The following UTRN variants were observed in gnomAD, a reference collection of about 807,000 sequenced individuals.
The protein encoded by UTRN is utrophin, also known as dystrophin-related protein 1.
Under a neutral mutation model 463.9 loss-of-function variants are expected in UTRN, and 283 were observed. The ratio of observed to expected loss-of-function variants is 0.61; its 90% CI spans 0.55 to 0.67. The LOEUF (loss-of-function observed/expected upper bound fraction) is 0.67, where lower values mean the gene tolerates loss of function less well. Ranked by LOEUF, UTRN falls within the 30% of genes least tolerant of loss-of-function variation. The pLI, the probability that UTRN is intolerant of heterozygous loss-of-function variation, is 0.00. For synonymous variants in UTRN, 1,442 were observed against 1,431.5 expected (o/e 1.01, Z -0.17); for missense variants, 3,922 against 4,084.3 (o/e 0.96, Z 1.08).
At chr6:144,417,100 C>T (rs190986680) in intron 3 of UTRN, among the ~76,000 whole-genome samples, 20 of 152,172 alleles carry the variant, frequency 1.3e-4, no homozygotes, top group Admixed American at 9.2e-4. Flanking sequence ...GCACCAGACA[C>T]GCTTTAAAGT....
chr6:144,531,326 T>A, intron 42 of UTRN, 124 bp downstream of exon 42: 1 of 1,042,286 alleles, frequency 9.6e-7, no homozygotes, highest in Non-Finnish European at 1.3e-6. Context: ...ATTTGTAATT[T>A]TTGTTCCAAT....
intron 58 of UTRN, among the ~76,000 whole-genome samples, chr6:144,763,026 A>C (rs763759449): frequency 6.6e-6 from 1 of 152,190 alleles, no homozygotes; most frequent in Non-Finnish European, 1.5e-5. Flanking sequence ...TAACAATTCT[A>C]TAGCTCAGTT....
intron 23 of UTRN, among the ~76,000 whole-genome samples, chr6:144,468,853 G>A (rs1790211715): frequency 1.3e-5 from 2 of 152,192 alleles, no homozygotes; most frequent in African/African-American, 4.8e-5. Context: ...CAGGTTGATT[G>A]TGACAATATT....
chr6:144,511,823 G>C (rs776389316), intron 35 of UTRN, among the ~76,000 whole-genome samples: 2 of 152,064 alleles, frequency 1.3e-5, no homozygotes, highest in Non-Finnish European at 2.9e-5. Context: ...ATGTTCCTAT[G>C]ATACTAATTG....
At chr6:144,722,247 C>T (rs562082467) in intron 53 of UTRN, among the ~76,000 whole-genome samples, 1 of 152,180 alleles carries the variant, frequency 6.6e-6, no homozygotes, top group Non-Finnish European at 1.5e-5. Context: ...AGAGCCTTTG[C>T]ACTTTCCATT....
chr6:144,758,021 C>A, intron 58 of UTRN, 32 bp downstream of exon 58: 1 of 1,560,072 alleles, frequency 6.4e-7, no homozygotes, highest in Non-Finnish European at 8.8e-7. Context: ...TTTATGATAC[C>A]AAGAAAATCA....
chr6:144,839,774 G>C (rs1430558516), intron 72 of UTRN, among the ~76,000 whole-genome samples: 1 of 152,178 alleles, frequency 6.6e-6, no homozygotes, highest in South Asian at 2.1e-4. Context: ...CCTGTCCTTG[G>C]TCACAATGGG....
At chr6:144,333,858 C>T (rs536738701) in intron 2 of UTRN, among the ~76,000 whole-genome samples, 1 of 152,220 alleles carries the variant, frequency 6.6e-6, no homozygotes, top group Admixed American at 6.5e-5. Flanking sequence ...TTTTTGTTTA[C>T]CTCTCATTTT....
chr6:144,640,282 T>C (rs534695717), intron 51 of UTRN, among the ~76,000 whole-genome samples: 12 of 152,116 alleles, frequency 7.9e-5, no homozygotes, highest in African/African-American at 2.9e-4. Flanking sequence ...CAAAGAGAAA[T>C]TGGAATATAC....
At chr6:144,376,325 T>C (rs986486861) in intron 2 of UTRN, among the ~76,000 whole-genome samples, 1 of 151,858 alleles carries the variant, frequency 6.6e-6, no homozygotes, top group African/African-American at 2.4e-5. Context: ...TGTGGTGGCG[T>C]GTGCCTGTAA....
At chr6:144,444,463 C>T in intron 14 of UTRN, 81 bp downstream of exon 14, 1 of 1,042,994 alleles carries the variant, frequency 9.6e-7, no homozygotes, top group Non-Finnish European at 1.3e-6. Flanking sequence ...AATAAAGTTG[C>T]CTTGTTTACT....
At chr6:144,596,235 A>G (rs1181578658) in intron 51 of UTRN, among the ~76,000 whole-genome samples, 1 of 152,160 alleles carries the variant, frequency 6.6e-6, no homozygotes, top group African/African-American at 2.4e-5. Flanking sequence ...ATTTCTAGAA[A>G]TGTGTCCACA....
chr6:144,410,587 C>T (rs564302632), intron 3 of UTRN, among the ~76,000 whole-genome samples: 4 of 151,922 alleles, frequency 2.6e-5, no homozygotes, highest in Admixed American at 2.0e-4. Flanking sequence ...CTGCACCCCC[C>T]GCCCAGGTCC....
intron 51 of UTRN, among the ~76,000 whole-genome samples, chr6:144,651,588 G>A (rs1778822430): frequency 6.6e-6 from 1 of 152,106 alleles, no homozygotes; most frequent in African/African-American, 2.4e-5. Flanking sequence ...TAACATCAAT[G>A]AATATTTTCT....
intron 2 of UTRN, among the ~76,000 whole-genome samples, chr6:144,339,466 T>TA (rs1345597398): frequency 4.6e-5 from 7 of 152,180 alleles, no homozygotes; most frequent in African/African-American, 1.7e-4. Flanking sequence ...ATGTGAATTG[T>TA]CTGGTTTTCA....
intron 65 of UTRN, among the ~76,000 whole-genome samples, chr6:144,812,330 C>T (rs1156740277): frequency 6.6e-6 from 1 of 152,036 alleles, no homozygotes; most frequent in Admixed American, 6.6e-5. Flanking sequence ...GCCGTTTATT[C>T]AAGGATCACT....
chr6:144,593,784 A>T (rs914560667), intron 51 of UTRN, among the ~76,000 whole-genome samples: 2 of 152,226 alleles, frequency 1.3e-5, no homozygotes, highest in African/African-American at 4.8e-5. Context: ...ATTAATAAAA[A>T]AGTTGCCCTT....
chr6:144,836,706 T>G, intron 71 of UTRN, 165 bp downstream of exon 71: 1 of 1,073,652 alleles, frequency 9.3e-7, no homozygotes, highest in Non-Finnish European at 1.3e-6. Context: ...TGTAAGCATA[T>G]AAATCCTCAT....
chr6:144,433,279 T>C (rs1786088011), intron 9 of UTRN, among the ~76,000 whole-genome samples: 1 of 149,712 alleles, frequency 6.7e-6, no homozygotes, highest in South Asian at 2.1e-4. Context: ...GAGGCGCCCC[T>C]CACCTCCCGG....
Sources: gnomAD v4.1 joint callset for allele counts (sites outside exome capture counted in the v4.1 genomes callset) on GRCh38, gnomAD v4.1.1 for gene constraint, MANE v1.5 for transcripts, NCBI Gene and HGNC (gene_info 2026-07-23, HGNC 2026-07-21) for gene names.